The following NIT2 variants were observed in gnomAD, a reference collection of about 807,000 sequenced individuals.
NIT2 encodes nitrilase family member 2.
In NIT2, 46 loss-of-function variants were observed where a neutral mutation model predicts 42.7. The ratio of observed to expected loss-of-function variants is 1.08; its 90% CI spans 0.85 to 1.38. NIT2 has a LOEUF of 1.38. NIT2 is among the 40% of genes most tolerant of loss of function. The pLI is 0.00. For missense variants in NIT2, 309 were observed against 342.5 expected, an observed-to-expected ratio of 0.90 and a Z score of 0.77; for synonymous variants, 123 against 121.9, an observed-to-expected ratio of 1.01 and a Z score of -0.06.
chr3:100,346,943 T>A (rs1373021840), intron 6 of NIT2, among the ~76,000 whole-genome samples: 2 of 152,126 alleles, frequency 1.3e-5, no homozygotes, highest in Non-Finnish European at 2.9e-5. Flanking sequence ...GCATGGGCTC[T>A]GGGGTCAGTA....
chr3:100,348,567 AT>A (rs1191245240), intron 6 of NIT2, among the ~76,000 whole-genome samples: 1 of 152,016 alleles, frequency 6.6e-6, no homozygotes. Context: ...GTCACATGTG[AT>A]TTTGGTCATC....
intron 4 of NIT2, among the ~76,000 whole-genome samples, chr3:100,343,999 C>T (rs370475777): frequency 5.3e-4 from 81 of 152,240 alleles, no homozygotes; most frequent in African/African-American, 1.9e-3. Flanking sequence ...GAAACGTGGG[C>T]AGCAACTTTA....
chr3:100,346,304 C>G (rs1320847898), intron 6 of NIT2, 49 bp downstream of exon 6: 2 of 1,527,078 alleles, frequency 1.3e-6, no homozygotes, highest in Admixed American at 1.7e-5. Context: ...AGGCTTGGTT[C>G]TAGGCTGGTC....
chr3:100,356,055 A>T lies in NIT2; in HGVS notation c.*787A>T, dbSNP rs931889033. 2 of 152,190 alleles carry T rather than the reference A, an allele frequency of 1.3e-5. No homozygotes were observed. The highest frequency in any genetic ancestry group is 4.8e-5 in the African/African-American group (2 of 41,434). 9.4% of individuals were successfully genotyped at this position (152,190 alleles called of 1,614,324 possible). On this transcript the variant is annotated 3_prime_UTR_variant, in exon 10 of 10. Transcript: ENST00000394140. ...TAGTTCTTAGACAGCTTGGTTTGAG[A>T]ATCCTTTTGCGGTTAAAAATTAGGG...
Position 100,355,298 on chromosome 3 carries a change from G to A in NIT2, c.*30G>A. On this transcript the variant is annotated 3_prime_UTR_variant, in exon 10 of 10. Coordinates refer to ENST00000394140, the MANE Select transcript of NIT2 (RefSeq NM_020202.5). ...TATGTTTCTAATGTGTCACAGAATA[G>A]GACGATATGATTCTACAACATAATC... 1 of 1,493,462 alleles carries A rather than the reference G, an allele frequency of 6.7e-7. No homozygotes were observed. The highest frequency in any genetic ancestry group is 9.3e-7 in the Non-Finnish European group (1 of 1,078,370). The allele number at this position is 1,493,462 out of a possible 1,614,324, so 92.5% of individuals were successfully genotyped here.
rs752679566 is a variant in NIT2, at chr3:100,355,267, A to G, written c.830A>G (p.Ter277=). The change falls in exon 10 of 10, where the codon TAA becomes TGA. Residue 277 remains the stop codon, a stop_retained_variant. Transcript: ENST00000394140. ...DLYAVEMKKP[*] ...TATGCTGTGGAGATGAAAAAGCCCTAAAGTTTATGTTTCTAATGTGTCACA... is the reference window on the plus strand; with the variant it reads ...TATGCTGTGGAGATGAAAAAGCCCTGAAGTTTATGTTTCTAATGTGTCACA... 2.5e-6 allele frequency: 4 copies of G among 1,608,720 alleles called. No homozygotes were observed. The highest frequency in any genetic ancestry group is 2.6e-6 in the Non-Finnish European group (3 of 1,175,198).
chr3:100,334,943 G>A (rs1706050756), intron 1 of NIT2, 145 bp downstream of exon 1: 4 of 795,848 alleles, frequency 5.0e-6, no homozygotes, highest in Non-Finnish European at 6.8e-6. Flanking sequence ...CGTCCGCGTG[G>A]GTCCGGGATC....
chr3:100,340,565 A>G (rs1211578292), intron 3 of NIT2, among the ~76,000 whole-genome samples: 1 of 152,242 alleles, frequency 6.6e-6, no homozygotes, highest in Non-Finnish European at 1.5e-5. Context: ...TAAGAATTAG[A>G]AATGAAGGCA....
intron 7 of NIT2, among the ~76,000 whole-genome samples, chr3:100,351,745 A>G (rs1270750731): frequency 4.6e-5 from 7 of 152,230 alleles, no homozygotes; most frequent in Non-Finnish European, 1.0e-4. Context: ...ACAAAAGCCA[A>G]AATTGACAAA....
At chr3:100,337,181 C>A (rs1156469117) in intron 1 of NIT2, among the ~76,000 whole-genome samples, 2 of 152,206 alleles carry the variant, frequency 1.3e-5, no homozygotes, top group East Asian at 1.9e-4. Flanking sequence ...AGTTTAACAG[C>A]ATCTCAAGGC....
intron 5 of NIT2, 179 bp from the exon 6 acceptor site, chr3:100,346,002 A>T (rs1706212843): frequency 3.3e-6 from 2 of 610,746 alleles, no homozygotes; most frequent in Non-Finnish European, 5.9e-6. Context: ...GATGTAAATG[A>T]TGTCTTTATG....
chr3:100,343,677 T>G (rs892679416), intron 4 of NIT2, among the ~76,000 whole-genome samples: 4 of 152,252 alleles, frequency 2.6e-5, no homozygotes, highest in Non-Finnish European at 1.5e-5. Context: ...TTATCACATC[T>G]GTGTGCCACA....
chr3:100,355,089 C>T (rs1211219897), intron 9 of NIT2, 88 bp from the exon 10 acceptor site: 7 of 963,616 alleles, frequency 7.3e-6, no homozygotes, highest in Non-Finnish European at 1.2e-5. Context: ...TACTAAGACT[C>T]TGGTGGTTTA....
At chr3:100,334,840 C>CT (rs1553733581) in intron 1 of NIT2, 42 bp downstream of exon 1, 80 of 1,295,200 alleles carry the variant, frequency 6.2e-5, no homozygotes, top group Non-Finnish European at 7.8e-5. Flanking sequence ...GTTCGGGCCG[C>CT]GGGGGAGGCT....
rs1401202626 is a variant in NIT2 at position 100,356,209 on chromosome 3, A to T, written c.*941A>T. 1 of 152,224 alleles carries T rather than the reference A, an allele frequency of 6.6e-6. No homozygotes were observed. Among genetic ancestry groups the T allele is most frequent in the Non-Finnish European group, 1.5e-5 (1 of 68,046 alleles). The allele number at this position is 152,224 out of a possible 1,614,324, so 9.4% of individuals were successfully genotyped here. A position where few individuals can be genotyped will look rare whatever the true frequency, so the allele number is the denominator to read the frequency against. On this transcript the variant is annotated 3_prime_UTR_variant, in exon 10 of 10. Coordinates refer to ENST00000394140, the MANE Select transcript of NIT2 (RefSeq NM_020202.5). ...ATCTCACTATATATATGTATCTCAA[A>T]GACTTCAATGGGTTTTTGCTTACAT...
Position 100,359,938 on chromosome 3 carries a change from T to G in NIT2, c.*4670T>G, listed in dbSNP as rs1706362470. The G allele has an allele frequency of 6.6e-6, 1 of 152,194 alleles. No individual in the cohort carries two copies. Among genetic ancestry groups the G allele is most frequent in the Admixed American group, 6.5e-5 (1 of 15,278 alleles). 9.4% of individuals were successfully genotyped at this position (152,194 alleles called of 1,614,324 possible). A position where few individuals can be genotyped will look rare whatever the true frequency, so the allele number is the denominator to read the frequency against. On this transcript the variant is annotated 3_prime_UTR_variant, in exon 10 of 10. Transcript: ENST00000394140. ...TTTATTCCTTAATGCTTAGCACAAT[T>G]TATTACTCTTGTTTCCATGGCACTA...
intron 4 of NIT2, among the ~76,000 whole-genome samples, chr3:100,343,251 C>T (rs1390147615): frequency 6.6e-6 from 1 of 151,772 alleles, no homozygotes; most frequent in Non-Finnish European, 1.5e-5. Context: ...TTAAATCTTT[C>T]ACTGTGTTTG....
At chr3:100,346,317 T>A in intron 6 of NIT2, 62 bp downstream of exon 6, 1 of 1,437,808 alleles carries the variant, frequency 7.0e-7, no homozygotes, top group Non-Finnish European at 9.7e-7. Context: ...GGCTGGTCTA[T>A]GTGGGATCCT....
At position 100,360,860 on chromosome 3, in the gene NIT2, GT is replaced by G. The variant is rs1706374667; in HGVS notation, c.*5595del. On this transcript the variant is annotated 3_prime_UTR_variant, in exon 10 of 10. Coordinates refer to ENST00000394140, the MANE Select transcript of NIT2 (RefSeq NM_020202.5). ...TATCTTCCTCTGGATCATAGGACAG[GT>G]TTGTTTACTATCTGATACAGTCAAA... 1 of 152,188 alleles carries G rather than the reference GT, an allele frequency of 6.6e-6. No homozygotes were observed. Among genetic ancestry groups the G allele is most frequent in the Admixed American group, 6.5e-5 (1 of 15,278 alleles). The allele number at this position is 152,188 out of a possible 1,614,324, so 9.4% of individuals were successfully genotyped here.
Sources: gnomAD v4.1 joint callset for allele counts (sites outside exome capture counted in the v4.1 genomes callset) on GRCh38, gnomAD v4.1.1 for gene constraint, MANE v1.5 for transcripts, NCBI Gene and HGNC (gene_info 2026-07-23, HGNC 2026-07-21) for gene names.